The following FAM210A variants were observed in gnomAD, a reference collection of about 807,000 sequenced individuals.
The protein encoded by FAM210A is mitochondrial inner membrane scaffold 1.
FAM210A carries 13 observed loss-of-function variants against 25.3 expected under a neutral mutation model. The ratio of observed to expected loss-of-function variants is 0.51; its 90% CI spans 0.33 to 0.82. FAM210A has a LOEUF of 0.82. FAM210A is among the 40% of genes least tolerant of loss of function. The pLI is 0.02. For synonymous variants in FAM210A, 125 were observed against 118.7 expected, an observed-to-expected ratio of 1.05 and a Z score of -0.35; for missense variants, 319 against 323.2, an observed-to-expected ratio of 0.99 and a Z score of 0.10.
chr18:13,723,974 T>C (rs935351997), intron 1 of FAM210A, among the ~76,000 whole-genome samples: 1 of 152,230 alleles, frequency 6.6e-6, no homozygotes, highest in Admixed American at 6.5e-5. Flanking sequence ...TAGGAAACTA[T>C]AACATTGTTT....
At position 13,681,634 on chromosome 18, in the gene FAM210A, C is replaced by A; in HGVS notation, c.444G>T (p.Trp148Cys). ...AGGCTGCATAATAAAATGTTCCAAA[C>A]CAAACACCAGAAGTTATTAGATGCA... ...IPVHLITSGV[W>C]FGTFYYAALK... The change falls in exon 2 of 4, where the codon TGG (tryptophan) becomes TGT (cysteine). Residue 148 changes from tryptophan to cysteine, a missense_variant. Coordinates refer to ENST00000651643, the MANE Select transcript of FAM210A (RefSeq NM_152352.4). 1 of 1,607,892 alleles carries A rather than the reference C, an allele frequency of 6.2e-7. No homozygotes were observed. Among genetic ancestry groups the A allele is most frequent in the East Asian group, 2.2e-5 (1 of 44,848 alleles).
intron 1 of FAM210A, among the ~76,000 whole-genome samples, chr18:13,717,496 G>A (rs1028968538): frequency 2.4e-4 from 37 of 152,288 alleles, no homozygotes; most frequent in Non-Finnish European, 1.9e-4. Flanking sequence ...AGCAGGGTTT[G>A]CAGAATTACT....
intron 1 of FAM210A, among the ~76,000 whole-genome samples, chr18:13,698,189 C>T (rs527816662): frequency 6.6e-6 from 1 of 151,754 alleles, no homozygotes; most frequent in South Asian, 2.1e-4. Flanking sequence ...CCTGTCCTTA[C>T]TAAAAATACA....
chr18:13,720,422 T>C (rs867904300), intron 1 of FAM210A, among the ~76,000 whole-genome samples: 2 of 152,108 alleles, frequency 1.3e-5, no homozygotes, highest in African/African-American at 2.4e-5. Context: ...AATGAGGAAT[T>C]TGTCATCTCC....
At chr18:13,691,006 G>GA (rs761409570) in intron 1 of FAM210A, among the ~76,000 whole-genome samples, 1 of 152,076 alleles carries the variant, frequency 6.6e-6, no homozygotes, top group Non-Finnish European at 1.5e-5. Context: ...TAAAAACCTT[G>GA]AAAAAAGATT....
intron 1 of FAM210A, among the ~76,000 whole-genome samples, chr18:13,688,637 G>C (rs2043617355): frequency 6.6e-6 from 1 of 152,252 alleles, no homozygotes; most frequent in South Asian, 2.1e-4. Flanking sequence ...TGCCCAAAAA[G>C]GTTGTCACTC....
At chr18:13,700,866 A>G (rs2043733936) in intron 1 of FAM210A, among the ~76,000 whole-genome samples, 1 of 152,192 alleles carries the variant, frequency 6.6e-6, no homozygotes, top group Non-Finnish European at 1.5e-5. Context: ...ATAGACTGCT[A>G]AGTGTTCGAA....
chr18:13,691,687 C>G (rs2149061261), intron 1 of FAM210A, among the ~76,000 whole-genome samples: 1 of 150,374 alleles, frequency 6.7e-6, no homozygotes, highest in African/African-American at 2.5e-5. Flanking sequence ...AAATACTTTA[C>G]AGACAAGCAA....
chr18:13,686,340 T>C (rs2043596601), intron 1 of FAM210A, among the ~76,000 whole-genome samples: 2 of 140,564 alleles, frequency 1.4e-5, no homozygotes, highest in South Asian at 2.3e-4. Context: ...CTGCTTGTTA[T>C]TGCCATAAGT....
rs2043870262 is a variant in FAM210A at position 13,717,505 on chromosome 18, C to T, written c.-29+8824G>A. Among the ~76,000 whole-genome samples, 2 of 152,138 alleles carry T rather than the reference C, an allele frequency of 1.3e-5. 1 individual carries two copies. The highest frequency in any genetic ancestry group is 4.1e-4 in the South Asian group (2 of 4,820). On this transcript the variant is annotated intron_variant, in intron 1 of 3. Transcript: ENST00000651643. ...CTACAAAGCAGGGTTTGCAGAATTA[C>T]TCGAATTCTAAAGCACTTTGGACTT... is the stretch of plus-strand genomic sequence containing the variant.
At chr18:13,726,030 G>A (rs1288086786) in intron 1 of FAM210A, among the ~76,000 whole-genome samples, 7 of 152,232 alleles carry the variant, frequency 4.6e-5, no homozygotes, top group Admixed American at 4.6e-4. Flanking sequence ...GGAAGAAGGG[G>A]GGAGAACACG....
chr18:13,694,780 G>A (rs888665729), intron 1 of FAM210A, among the ~76,000 whole-genome samples: 1 of 152,154 alleles, frequency 6.6e-6, no homozygotes, highest in Non-Finnish European at 1.5e-5. Context: ...GAAAACCTAG[G>A]CAATGCCATT....
chr18:13,674,119 A>G (rs145808332), intron 2 of FAM210A, among the ~76,000 whole-genome samples: 18,331 of 142,008 alleles, frequency 0.13, 1,044 homozygotes, highest in Non-Finnish European at 0.16. Context: ...CCTGATTATT[A>G]ACATTCCTGA....
At position 13,671,835 on chromosome 18, in the gene FAM210A, G is replaced by A. The variant is rs751216411; in HGVS notation, c.585+27C>T. The A allele has an allele frequency of 6.2e-6, 9 of 1,448,652 alleles. 1 individual carries two copies. The Middle Eastern group carries it at 1.2e-3, about 196-fold the overall frequency. 89.7% of individuals were successfully genotyped at this position (1,448,652 alleles called of 1,614,324 possible). A position where few individuals can be genotyped will look rare whatever the true frequency, so the allele number is the denominator to read the frequency against. On this transcript the variant is annotated intron_variant, in intron 3 of 3. Transcript: ENST00000651643. ...CAGGTCACCACCAGTGAGTTCTGAGGAGCAATGGGTTTGTTACAGTACCCA... is the reference window on the plus strand; with the variant it reads ...CAGGTCACCACCAGTGAGTTCTGAGAAGCAATGGGTTTGTTACAGTACCCA...
At chr18:13,700,007 T>C (rs1299279703) in intron 1 of FAM210A, among the ~76,000 whole-genome samples, 3 of 152,142 alleles carry the variant, frequency 2.0e-5, no homozygotes, top group Admixed American at 6.5e-5. Flanking sequence ...GTGAAGGAGT[T>C]TTCTCCACAC....
At chr18:13,696,621 T>C (rs1285642533) in intron 1 of FAM210A, among the ~76,000 whole-genome samples, 1 of 152,172 alleles carries the variant, frequency 6.6e-6, no homozygotes, top group Non-Finnish European at 1.5e-5. Context: ...GTGATGATGG[T>C]GGAGGTAGAA....
intron 1 of FAM210A, among the ~76,000 whole-genome samples, chr18:13,724,338 A>G (rs1280508895): frequency 6.6e-6 from 1 of 152,210 alleles, no homozygotes; most frequent in Non-Finnish European, 1.5e-5. Context: ...GCCTGGGTCC[A>G]AATCTTGATC....
At chr18:13,712,968 C>T (rs997616478) in intron 1 of FAM210A, among the ~76,000 whole-genome samples, 3 of 152,292 alleles carry the variant, frequency 2.0e-5, no homozygotes, top group African/African-American at 7.2e-5. Flanking sequence ...ACTGAAGTAG[C>T]TCATTTGCCG....
intron 3 of FAM210A, among the ~76,000 whole-genome samples, chr18:13,667,425 A>C (rs1273356114): frequency 6.6e-6 from 1 of 152,226 alleles, no homozygotes; most frequent in Non-Finnish European, 1.5e-5. Context: ...TCATATTCTA[A>C]GTCAAAAATC....
Sources: allele counts gnomAD v4.1 joint callset (sites outside exome capture counted in the v4.1 genomes callset), GRCh38; gene constraint gnomAD v4.1.1; transcripts MANE v1.5; gene names NCBI Gene and HGNC (gene_info 2026-07-23, HGNC 2026-07-21).